The following CLSTN2 variants were observed in gnomAD, a reference collection of about 807,000 sequenced individuals.
CLSTN2 encodes the protein calsyntenin 2.
In CLSTN2, 48 loss-of-function variants were observed where a neutral mutation model predicts 101.2. That is an observed-to-expected ratio of 0.47 (90% CI 0.38 to 0.60). The LOEUF (loss-of-function observed/expected upper bound fraction) is 0.60. Among genes scored for constraint, CLSTN2 ranks in the 20% least tolerant of loss-of-function variants. The pLI is 0.00. For missense variants in CLSTN2, 1,160 were observed against 1,238.2 expected, an observed-to-expected ratio of 0.94 and a Z score of 0.95; for synonymous variants, 481 against 463.6, an observed-to-expected ratio of 1.04 and a Z score of -0.48.
At chr3:140,219,007 G>C (rs1203052722) in intron 2 of CLSTN2, among the ~76,000 whole-genome samples, 1 of 152,094 alleles carries the variant, frequency 6.6e-6, no homozygotes, top group Non-Finnish European at 1.5e-5. Flanking sequence ...ACGTGAAGCT[G>C]TTTTGTTTTG....
intron 2 of CLSTN2, among the ~76,000 whole-genome samples, chr3:140,277,776 T>TG (rs1366962620): frequency 2.0e-5 from 3 of 152,318 alleles, no homozygotes; most frequent in Admixed American, 2.0e-4. Context: ...TCATTACTAT[T>TG]GATTGCACAG....
intron 1 of CLSTN2, among the ~76,000 whole-genome samples, chr3:140,085,768 G>A (rs995160769): frequency 6.6e-6 from 1 of 152,168 alleles, no homozygotes; most frequent in South Asian, 2.1e-4. Flanking sequence ...TGTCTAGAGG[G>A]AAAACTTGCC....
At chr3:139,940,003 G>T (rs922661931) in intron 1 of CLSTN2, among the ~76,000 whole-genome samples, 1 of 152,070 alleles carries the variant, frequency 6.6e-6, no homozygotes, top group East Asian at 1.9e-4. Flanking sequence ...TCAAGATTTG[G>T]CCTTCCATAA....
At chr3:140,323,800 G>A (rs1355466758) in intron 2 of CLSTN2, among the ~76,000 whole-genome samples, 1 of 152,202 alleles carries the variant, frequency 6.6e-6, no homozygotes, top group East Asian at 1.9e-4. Context: ...CATTTAATAA[G>A]AAGTCTGGCT....
At chr3:140,453,785 C>T (rs1250134665) in intron 6 of CLSTN2, among the ~76,000 whole-genome samples, 1 of 152,138 alleles carries the variant, frequency 6.6e-6, no homozygotes, top group Non-Finnish European at 1.5e-5. Flanking sequence ...ATTCAATCTT[C>T]TGGAGAAGAC....
At chr3:140,420,923 A>G (rs1335274626) in intron 4 of CLSTN2, among the ~76,000 whole-genome samples, 3 of 152,232 alleles carry the variant, frequency 2.0e-5, no homozygotes, top group African/African-American at 7.2e-5. Flanking sequence ...GGCTTCAGCC[A>G]GTGGGTTCCC....
chr3:140,495,331 T>G (rs1054730692), intron 8 of CLSTN2, among the ~76,000 whole-genome samples: 3 of 152,204 alleles, frequency 2.0e-5, no homozygotes, highest in Non-Finnish European at 4.4e-5. Context: ...CTTGTACATT[T>G]GTTTAAGTTT....
intron 2 of CLSTN2, among the ~76,000 whole-genome samples, chr3:140,232,532 A>C (rs989719188): frequency 6.6e-6 from 1 of 152,090 alleles, no homozygotes; most frequent in African/African-American, 2.4e-5. Flanking sequence ...CTTTGATCAC[A>C]GTTCCTACGG....
At chr3:140,310,430 C>G in intron 2 of CLSTN2, among the ~76,000 whole-genome samples, 1 of 152,150 alleles carries the variant, frequency 6.6e-6, no homozygotes, top group Admixed American at 6.5e-5. Flanking sequence ...AACTGCTGCT[C>G]CTTCTTCTGG....
At chr3:140,297,060 T>C (rs1202806142) in intron 2 of CLSTN2, among the ~76,000 whole-genome samples, 2 of 152,230 alleles carry the variant, frequency 1.3e-5, no homozygotes, top group Non-Finnish European at 2.9e-5. Context: ...ATTCAAACCC[T>C]CCAGCTCTTC....
At chr3:140,120,290 G>A (rs1053370835) in intron 1 of CLSTN2, among the ~76,000 whole-genome samples, 1 of 152,046 alleles carries the variant, frequency 6.6e-6, no homozygotes, top group Admixed American at 6.5e-5. Context: ...CAGAACTCAG[G>A]GAAACATGTT....
At chr3:140,556,718 A>G (rs1935803822) in intron 11 of CLSTN2, 57 bp downstream of exon 11, 3 of 1,559,896 alleles carry the variant, frequency 1.9e-6, no homozygotes, top group African/African-American at 1.4e-5. Context: ...GAAGGTCCCA[A>G]CTGAGGTCCC....
At chr3:140,274,080 C>A (rs1371787531) in intron 2 of CLSTN2, among the ~76,000 whole-genome samples, 1 of 152,184 alleles carries the variant, frequency 6.6e-6, no homozygotes, top group Admixed American at 6.5e-5. Flanking sequence ...CACATGATAA[C>A]CTCTGAGACA....
intron 1 of CLSTN2, among the ~76,000 whole-genome samples, chr3:140,062,426 T>C (rs1037623398): frequency 2.6e-5 from 4 of 152,212 alleles, no homozygotes; most frequent in Admixed American, 2.0e-4. Context: ...ACGTGTGTGA[T>C]GTGGGTTTTA....
intron 1 of CLSTN2, among the ~76,000 whole-genome samples, chr3:139,986,043 T>G (rs1298390715): frequency 4.6e-5 from 7 of 152,216 alleles, no homozygotes; most frequent in African/African-American, 1.7e-4. Flanking sequence ...TTCCTGATTA[T>G]CTAGCATTTC....
chr3:140,174,411 C>T (rs1443783633), intron 1 of CLSTN2, among the ~76,000 whole-genome samples: 2 of 152,188 alleles, frequency 1.3e-5, no homozygotes, highest in African/African-American at 2.4e-5. Flanking sequence ...CCCACATTTT[C>T]CTGTCTTCTT....
chr3:140,547,804 T>C (rs555035282), intron 10 of CLSTN2, among the ~76,000 whole-genome samples: 7 of 152,214 alleles, frequency 4.6e-5, no homozygotes, highest in Admixed American at 2.0e-4. Flanking sequence ...CACTCAATCA[T>C]AGTGGACCCC....
intron 2 of CLSTN2, among the ~76,000 whole-genome samples, chr3:140,209,550 A>G (rs1000134579): frequency 3.3e-5 from 5 of 152,170 alleles, no homozygotes; most frequent in Admixed American, 3.3e-4. Flanking sequence ...AGCTTTATAC[A>G]TACTTGCATG....
chr3:140,034,390 A>G (rs952921552), intron 1 of CLSTN2, among the ~76,000 whole-genome samples: 3 of 152,248 alleles, frequency 2.0e-5, no homozygotes, highest in Admixed American at 6.5e-5. Context: ...TTTGTCAGAA[A>G]GAGGGAATAA....
Sources: gnomAD v4.1 joint callset for allele counts (sites outside exome capture counted in the v4.1 genomes callset) on GRCh38, gnomAD v4.1.1 for gene constraint, MANE v1.5 for transcripts, NCBI Gene and HGNC (gene_info 2026-07-23, HGNC 2026-07-21) for gene names.